Variants in XRN1 observed in about 807,000 individuals in gnomAD.
XRN1 encodes strand-exchange protein 1 homolog.
Under a neutral mutation model 222.3 loss-of-function variants are expected in XRN1, and 67 were observed. That is an observed-to-expected ratio of 0.30 (90% CI 0.25 to 0.37). The LOEUF (loss-of-function observed/expected upper bound fraction) is 0.37, where lower values mean the gene tolerates loss of function less well. XRN1 is among the 10% of genes least tolerant of loss of function. The probability of loss-of-function intolerance (pLI) is 1.00; values close to 1 mark genes in which losing one functional copy is unlikely to be tolerated. For missense variants in XRN1, 1,707 were observed against 2,000.2 expected (o/e 0.85, Z 2.80); for synonymous variants, 643 against 652.4 (o/e 0.99, Z 0.22).
At chr3:142,418,710 C>T in intron 11 of XRN1, 101 bp from the exon 12 acceptor site, 1 of 1,443,692 alleles carries the variant, frequency 6.9e-7, no homozygotes. Context: ...TGCTTATATG[C>T]TATCACAGAA....
Position 142,432,658 on chromosome 3 carries a change from T to G in XRN1, c.308+3A>C. 1 of 1,568,038 alleles carries G rather than the reference T, an allele frequency of 6.4e-7. No individual in the cohort carries two copies. The highest frequency in any genetic ancestry group is 1.4e-5 in the African/African-American group (1 of 73,386). ...ATTCCAAAATAAAACATAAATGTTT[T>G]ACCTAAAACGCCTCCCACGCTGCTG... is the stretch of plus-strand genomic sequence containing the variant. On this transcript the variant is annotated splice_donor_region_variant and intron_variant, in intron 2 of 40. Coordinates refer to ENST00000392981, the MANE Select transcript of XRN1 (RefSeq NM_001282857.2).
In XRN1 at chr3:142,365,153, A is replaced by C; in HGVS notation, c.3288T>G (p.Ile1096Met). 1 of 1,613,050 alleles carries C rather than the reference A, an allele frequency of 6.2e-7. No homozygotes were observed. ...GACAAAATTCTGCATCCCGATCAGG[A>C]ATGACTCCATGTTGCTGTTCTAAAG... The part of the protein sequence containing the change: ...YRPLEQQHGV[I>M]PDRDAEFCLF... The change falls in exon 29 of 41, where the codon ATT becomes ATG. Residue 1096 changes from isoleucine (I) to methionine (M), a missense_variant. Coordinates refer to ENST00000392981, the MANE Select transcript of XRN1 (RefSeq NM_001282857.2).
chr3:142,322,691 A>G (rs2065392033), intron 37 of XRN1, among the ~76,000 whole-genome samples: 1 of 151,664 alleles, frequency 6.6e-6, no homozygotes, highest in African/African-American at 2.4e-5. Flanking sequence ...AAACAAACAA[A>G]AAAAAATTGT....
At chr3:142,422,194 G>T (rs1473805652) in intron 8 of XRN1, among the ~76,000 whole-genome samples, 1 of 152,048 alleles carries the variant, frequency 6.6e-6, no homozygotes, top group African/African-American at 2.4e-5. Flanking sequence ...ACTTAGCTGG[G>T]CATGGTGACA....
At chr3:142,392,540 G>A (rs2067767733) in intron 20 of XRN1, among the ~76,000 whole-genome samples, 1 of 151,844 alleles carries the variant, frequency 6.6e-6, no homozygotes, top group Non-Finnish European at 1.5e-5. Context: ...TGATCTCATT[G>A]TTCAGTTCCC....
At chr3:142,420,801 C>T (rs2068996804) in intron 10 of XRN1, among the ~76,000 whole-genome samples, 1 of 151,848 alleles carries the variant, frequency 6.6e-6, no homozygotes. Flanking sequence ...TGTACCTCTT[C>T]AACAGTAAAA....
At position 142,376,299 on chromosome 3, in the gene XRN1, T is replaced by C. The variant is rs997180283; in HGVS notation, c.2831+180A>G. On this transcript the variant is annotated intron_variant, in intron 24 of 40. Transcript: ENST00000392981. The stretch of plus-strand genomic sequence containing the variant: ...AGCTGCTAAAAAATAAGAACTGTCT[T>C]TTCCAACCACCTAAAACATGTGCCA... The C allele has an allele frequency of 5.7e-6, 4 of 699,294 alleles. No homozygotes were observed. In the South Asian group the frequency reaches 8.0e-5, roughly 14 times the overall value. The allele number at this position is 699,294 out of a possible 1,614,324, so 43.3% of individuals were successfully genotyped here.
chr3:142,396,045 G>A (rs2067916191), intron 20 of XRN1, among the ~76,000 whole-genome samples: 1 of 152,182 alleles, frequency 6.6e-6, no homozygotes. Context: ...AATTACCATA[G>A]TTGTCTCCCA....
chr3:142,348,712 A>G (rs548406309), intron 32 of XRN1, among the ~76,000 whole-genome samples: 25 of 152,332 alleles, frequency 1.6e-4, no homozygotes, highest in Non-Finnish European at 2.9e-4. Flanking sequence ...GCATGCTCCA[A>G]AATAGTTGTG....
At chr3:142,330,895 C>T (rs2065677079) in intron 36 of XRN1, among the ~76,000 whole-genome samples, 1 of 152,152 alleles carries the variant, frequency 6.6e-6, no homozygotes, top group Admixed American at 6.5e-5. Flanking sequence ...CAACCTCCAC[C>T]TCCCGGGTTC....
intron 30 of XRN1, 44 bp downstream of exon 30, chr3:142,359,818 A>G (rs754336203): frequency 7.0e-7 from 1 of 1,419,170 alleles, no homozygotes; most frequent in Non-Finnish European, 9.8e-7. Flanking sequence ...CACTGGCCAC[A>G]TGAACATATT....
chr3:142,415,805 A>T (rs2068762613), intron 13 of XRN1, among the ~76,000 whole-genome samples: 1 of 152,236 alleles, frequency 6.6e-6, no homozygotes. Flanking sequence ...GAACAAAACC[A>T]AACCAAACAG....
At chr3:142,312,796 TG>T (rs2065112866) in intron 39 of XRN1, 38 bp from the exon 40 acceptor site, 2 of 1,573,268 alleles carry the variant, frequency 1.3e-6, no homozygotes, top group Non-Finnish European at 1.7e-6. Flanking sequence ...TTTAGTAAAA[TG>T]GTATCATCAA....
chr3:142,357,177 G>A, intron 30 of XRN1, 58 bp from the exon 31 acceptor site: 1 of 1,499,560 alleles, frequency 6.7e-7, no homozygotes. Context: ...GTGTTAGGGA[G>A]AAAAGTCAAA....
At chr3:142,417,077 A>G in intron 13 of XRN1, 63 bp downstream of exon 13, 1 of 1,224,346 alleles carries the variant, frequency 8.2e-7, no homozygotes, top group South Asian at 1.5e-5. Context: ...TTCCTAAATA[A>G]GACTCTAGTA....
chr3:142,372,396 G>C (rs2067015232), intron 25 of XRN1, among the ~76,000 whole-genome samples: 1 of 152,152 alleles, frequency 6.6e-6, no homozygotes, highest in Non-Finnish European at 1.5e-5. Context: ...AACACCCGTG[G>C]AAGGGAAGGG....
chr3:142,332,074 GT>G (rs1340344539), intron 36 of XRN1, among the ~76,000 whole-genome samples: 4 of 152,058 alleles, frequency 2.6e-5, no homozygotes, highest in Admixed American at 1.3e-4. Context: ...CACCTGGCCA[GT>G]TATATTATTA....
At chr3:142,391,464 C>T (rs943096000) in intron 20 of XRN1, among the ~76,000 whole-genome samples, 2 of 152,078 alleles carry the variant, frequency 1.3e-5, no homozygotes, top group African/African-American at 2.4e-5. Flanking sequence ...CTTGGTGGCT[C>T]ACCCTTGTAA....
intron 32 of XRN1, among the ~76,000 whole-genome samples, chr3:142,347,889 C>T (rs974649123): frequency 6.6e-6 from 1 of 152,028 alleles, no homozygotes; most frequent in Non-Finnish European, 1.5e-5. Context: ...TGAGCCACTG[C>T]ACCCAGCCAA....
Sources: gnomAD v4.1 joint callset for allele counts (sites outside exome capture counted in the v4.1 genomes callset) on GRCh38, gnomAD v4.1.1 for gene constraint, MANE v1.5 for transcripts, NCBI Gene and HGNC (gene_info 2026-07-23, HGNC 2026-07-21) for gene names.